NUDT14: variants seen among roughly 807,000 people sequenced by gnomAD.
NUDT14 encodes nudix hydrolase 14.
A neutral mutation model predicts 17.5 loss-of-function variants in NUDT14; 22 were observed. That is an observed-to-expected ratio of 1.26 (90% CI 0.90 to 1.80). The LOEUF (loss-of-function observed/expected upper bound fraction) is 1.80. Among genes scored for constraint, NUDT14 ranks in the 40% most tolerant of loss-of-function variants. The pLI, the probability that NUDT14 is intolerant of heterozygous loss-of-function variation, is 0.00. For missense variants in NUDT14, 296 were observed against 295.6 expected (o/e 1.00, Z -0.01); for synonymous variants, 129 against 125.8 (o/e 1.03, Z -0.17).
intron 3 of NUDT14, 65 bp downstream of exon 3, chr14:105,176,898 C>A (rs1889226141): frequency 1.9e-6 from 3 of 1,573,788 alleles, no homozygotes; most frequent in Admixed American, 1.7e-5. Flanking sequence ...TGTATTCAGA[C>A]CCTCAGGACC....
Position 105,172,964 on chromosome 14 carries a change from G to A in NUDT14, c.*57C>T, listed in dbSNP as rs1889135153. 2 of 1,445,890 alleles carry A rather than the reference G, an allele frequency of 1.4e-6. No individual in the cohort carries two copies. The highest frequency in any genetic ancestry group is 1.6e-5 in the South Asian group (1 of 63,156). 89.6% of individuals were successfully genotyped at this position (1,445,890 alleles called of 1,614,324 possible). ...TGGAGCTATGCAAGCCTTTATTGGGGTCCGCGGGGTGTGGGGTGAGTGGCC... is the reference window on the plus strand; with the variant it reads ...TGGAGCTATGCAAGCCTTTATTGGGATCCGCGGGGTGTGGGGTGAGTGGCC... On this transcript the variant is annotated 3_prime_UTR_variant, in exon 5 of 5. Transcript: ENST00000392568.
chr14:105,181,300 T>C lies in NUDT14; in HGVS notation c.-91A>G, dbSNP rs1889326204. On this transcript the variant is annotated 5_prime_UTR_variant, in exon 1 of 5. Transcript: ENST00000392568. This position sits in a 1 kb window ranked among gnomAD's most constrained non-coding sequence, Gnocchi z 5.0. ...CGACAGGAGCCTTCGGGCGGGCGCGTGACCGCGGCTCTGAGCATGCTCCGT... is the reference window on the plus strand; with the variant it reads ...CGACAGGAGCCTTCGGGCGGGCGCGCGACCGCGGCTCTGAGCATGCTCCGT... 1 of 506,518 alleles carries C rather than the reference T, an allele frequency of 2.0e-6. No homozygotes were observed. The highest frequency in any genetic ancestry group is 8.8e-5 in the East Asian group (1 of 11,424). The allele number at this position is 506,518 out of a possible 1,614,324, so 31.4% of individuals were successfully genotyped here.
chr14:105,176,720 A>G lies in NUDT14; in HGVS notation c.242T>C (p.Val81Ala), dbSNP rs753612516. The G allele has an allele frequency of 6.2e-7, 1 of 1,612,568 alleles. No homozygotes were observed. Among genetic ancestry groups the G allele is most frequent in the African/African-American group, 1.3e-5 (1 of 74,926 alleles). ...TAGCTCCCGAGGCCCGTCCTGGTCT[A>G]CAGCTGCTAGGGACCCTGGGAAGCG... ...ERRFPGSLAA[V>A]DQDGPRELQP... The change falls in exon 4 of 5, where the codon GTA becomes GCA. Residue 81 changes from valine (V) to alanine (A), a missense_variant. Coordinates refer to ENST00000392568, the MANE Select transcript of NUDT14 (RefSeq NM_177533.5).
At chr14:105,174,395 G>A (rs1249636914) in intron 4 of NUDT14, among the ~76,000 whole-genome samples, 2 of 152,086 alleles carry the variant, frequency 1.3e-5, no homozygotes. Flanking sequence ...CTGGCTCGCC[G>A]CAGGAGGGGC....
rs761775506 is a variant in NUDT14, at chr14:105,176,609, A to C, written c.353T>G (p.Val118Gly). 1.2e-6 allele frequency: 2 copies of C among 1,612,664 alleles called. No individual in the cohort carries two copies. Among genetic ancestry groups the C allele is most frequent in the Non-Finnish European group, 1.7e-6 (2 of 1,179,936 alleles). The change falls in exon 4 of 5, where the codon GTG (valine) becomes GGG (glycine). Residue 118 changes from valine (V) to glycine (G), a missense_variant. Coordinates refer to ENST00000392568, the MANE Select transcript of NUDT14 (RefSeq NM_177533.5). ...CTCCTCCCAAGCCTCCTTGCAAGCC[A>C]CTTCCTCCAGCGAGAGCCCAGGCTG... is the stretch of plus-strand genomic sequence containing the variant. Reference protein sequence around the residue: ...VDQPGLSLEEVACKEAWEECG... With the variant: ...VDQPGLSLEEGACKEAWEECG...
chr14:105,177,826 C>T, intron 1 of NUDT14, 91 bp from the exon 2 acceptor site: 1 of 1,236,074 alleles, frequency 8.1e-7, no homozygotes, highest in Non-Finnish European at 1.2e-6. Flanking sequence ...GCACCCACTC[C>T]TAACCAGGGA....
Position 105,177,685 on chromosome 14 carries a change from C to A in NUDT14, c.125+7G>T, listed in dbSNP as rs769069619. 5 of 1,612,296 alleles carry A rather than the reference C, an allele frequency of 3.1e-6. No homozygotes were observed. The highest frequency in any genetic ancestry group is 4.2e-6 in the Non-Finnish European group (5 of 1,179,640). On this transcript the variant is annotated splice_region_variant and intron_variant, in intron 2 of 4. Coordinates refer to ENST00000392568, the MANE Select transcript of NUDT14 (RefSeq NM_177533.5). ...TCCCCAGTGGCCAGGCTGGGCCAGG[C>A]TCTCACCTGTCATGCGTCTTCATGA...
chr14:105,175,317 A>G (rs1555372439), intron 4 of NUDT14, among the ~76,000 whole-genome samples: 1 of 152,244 alleles, frequency 6.6e-6, no homozygotes, highest in Non-Finnish European at 1.5e-5. Context: ...CACGGGGTAG[A>G]CACCTGCAGA....
intron 4 of NUDT14, chr14:105,175,834 G>A (rs2141006934): frequency 9.4e-7 from 1 of 1,063,990 alleles, no homozygotes; most frequent in Non-Finnish European, 1.2e-6. Flanking sequence ...AGGCTGACAG[G>A]TGCAGAGACT....
At chr14:105,174,544 G>C (rs1288997610) in intron 4 of NUDT14, among the ~76,000 whole-genome samples, 1 of 152,054 alleles carries the variant, frequency 6.6e-6, no homozygotes, top group East Asian at 1.9e-4. Context: ...CCTCCGGGGG[G>C]ACTCACCCCA....
In NUDT14 at chr14:105,177,015, G is replaced by A. The variant is rs144476189; in HGVS notation, c.138C>T (p.Leu46=). 5.4e-5 allele frequency: 87 copies of A among 1,611,800 alleles called. No individual in the cohort carries two copies. Among genetic ancestry groups the A allele is most frequent in the Non-Finnish European group, 7.0e-5 (83 of 1,179,792 alleles). Reference sequence around the variant, plus strand: ...GGCTCCTCCGAGAAGAGTTGAATAAGAGAACGGTCACGCTGTGTACGGGGG... The same window carrying A: ...GGCTCCTCCGAGAAGAGTTGAATAAAAGAACGGTCACGCTGTGTACGGGGG... ...FMKTHDSVTV[L]LFNSSRRSLV... The change falls in exon 3 of 5, where the codon CTC becomes CTT. Residue 46 remains leucine, a synonymous_variant. Coordinates refer to ENST00000392568, the MANE Select transcript of NUDT14 (RefSeq NM_177533.5).
chr14:105,181,263 G>T lies in NUDT14; in HGVS notation c.-54C>A. The T allele has an allele frequency of 1.4e-6, 1 of 707,540 alleles. No homozygotes were observed. Among genetic ancestry groups the T allele is most frequent in the Non-Finnish European group, 1.8e-6 (1 of 550,884 alleles). 43.8% of individuals were successfully genotyped at this position (707,540 alleles called of 1,614,324 possible). On this transcript the variant is annotated 5_prime_UTR_variant, in exon 1 of 5. Coordinates refer to ENST00000392568, the MANE Select transcript of NUDT14 (RefSeq NM_177533.5). This position sits in a 1 kb window ranked among gnomAD's most constrained non-coding sequence, Gnocchi z 5.0. ...AGCTCTGCGGGGGCCGACACGGGGCGGCGCCCTGTCCCGACAGGAGCCTTC... is the reference window on the plus strand; with the variant it reads ...AGCTCTGCGGGGGCCGACACGGGGCTGCGCCCTGTCCCGACAGGAGCCTTC...
chr14:105,179,936 C>G (rs587746309), intron 1 of NUDT14, among the ~76,000 whole-genome samples: 1 of 152,216 alleles, frequency 6.6e-6, no homozygotes, highest in Non-Finnish European at 1.5e-5. Context: ...GGGAGGCAGG[C>G]AGGCAGAGAG....
chr14:105,177,291 A>C, intron 2 of NUDT14: 1 of 621,300 alleles, frequency 1.6e-6, no homozygotes. Flanking sequence ...CGGGCAGCTG[A>C]GTAGGTCAGG....
chr14:105,179,981 G>A (rs1889292340), intron 1 of NUDT14, among the ~76,000 whole-genome samples: 1 of 152,208 alleles, frequency 6.6e-6, no homozygotes, highest in African/African-American at 2.4e-5. Context: ...CTGATAGGCT[G>A]GGGGGCTGGA....
rs1164778310 is a variant in NUDT14 at position 105,177,442 on chromosome 14, C to T, written c.125+250G>A. The T allele has an allele frequency of 8.9e-6, 5 of 563,792 alleles. No homozygotes were observed. In the African/African-American group the frequency reaches 9.4e-5, roughly 11 times the overall value. 34.9% of individuals were successfully genotyped at this position (563,792 alleles called of 1,614,324 possible). ...GGCAAAGGCTCCAGGACAGCCTCTC[C>T]CTGCCCTGAGAGGGCCTGCCCACCA... is the stretch of plus-strand genomic sequence containing the variant. On this transcript the variant is annotated intron_variant, in intron 2 of 4. Transcript: ENST00000392568.
Position 105,181,272 on chromosome 14 carries a change from T to C in NUDT14, c.-63A>G. 3.2e-6 allele frequency: 2 copies of C among 624,596 alleles called. No individual in the cohort carries two copies. Among genetic ancestry groups the C allele is most frequent in the Non-Finnish European group, 4.1e-6 (2 of 486,006 alleles). 38.7% of individuals were successfully genotyped at this position (624,596 alleles called of 1,614,324 possible). A position where few individuals can be genotyped will look rare whatever the true frequency, so the allele number is the denominator to read the frequency against. On this transcript the variant is annotated 5_prime_UTR_variant, in exon 1 of 5. Coordinates refer to ENST00000392568, the MANE Select transcript of NUDT14 (RefSeq NM_177533.5). The surrounding 1 kb of genome is among the most constrained non-coding windows in gnomAD (Gnocchi z 5.0). ...GGGGCCGACACGGGGCGGCGCCCTG[T>C]CCCGACAGGAGCCTTCGGGCGGGCG...
At chr14:105,175,508 T>C (rs1355157435) in intron 4 of NUDT14, 1 of 156,578 alleles carries the variant, frequency 6.4e-6, no homozygotes, top group African/African-American at 2.4e-5. Flanking sequence ...TTCAAGCGAT[T>C]CTCCTGCCTC....
chr14:105,177,355 G>A lies in NUDT14; in HGVS notation c.126-328C>T, dbSNP rs1207075928. ...CAGGACGTTTGGCCCTCACTGAGCA[G>A]CTGCCCACCAGCCACACTCCTCGAG... On this transcript the variant is annotated intron_variant, in intron 2 of 4. Coordinates refer to ENST00000392568, the MANE Select transcript of NUDT14 (RefSeq NM_177533.5). The A allele has an allele frequency of 7.2e-6, 4 of 552,768 alleles. No homozygotes were observed. In the South Asian group the frequency reaches 7.8e-5, roughly 11 times the overall value. The allele number at this position is 552,768 out of a possible 1,614,324, so 34.2% of individuals were successfully genotyped here. A position where few individuals can be genotyped will look rare whatever the true frequency, so the allele number is the denominator to read the frequency against.
Sources: gnomAD v4.1 joint callset for allele counts (sites outside exome capture counted in the v4.1 genomes callset) on GRCh38, gnomAD v4.1.1 for gene constraint, Gnocchi (gnomAD v3.1) non-coding constraint, MANE v1.5 for transcripts, NCBI Gene and HGNC (gene_info 2026-07-23, HGNC 2026-07-21) for gene names.